SMYD3: variants seen among roughly 807,000 people sequenced by gnomAD.
SMYD3 encodes SET and MYND domain containing 3, also known as histone-lysine N-methyltransferase SMYD3.
SMYD3 carries 36 observed loss-of-function variants against 57.7 expected under a neutral mutation model. That is an observed-to-expected ratio of 0.62 (90% confidence interval 0.48 to 0.82). The LOEUF is 0.82. Ranked by LOEUF, SMYD3 falls within the 40% of genes least tolerant of loss-of-function variation. The pLI is 0.00. For synonymous variants in SMYD3, 211 were observed against 195.0 expected (o/e 1.08, Z -0.68); for missense variants, 515 against 538.8 (o/e 0.96, Z 0.44).
chr1:246,224,603 T>C (rs2063301831), intron 5 of SMYD3, among the ~76,000 whole-genome samples: 1 of 151,394 alleles, frequency 6.6e-6, no homozygotes, highest in Non-Finnish European at 1.5e-5. Flanking sequence ...TGGGCGCCAC[T>C]GAGAAAGAAT....
At chr1:246,481,594 A>G (rs1466165069) in intron 1 of SMYD3, among the ~76,000 whole-genome samples, 1 of 26,922 alleles carries the variant, frequency 3.7e-5, no homozygotes, top group African/African-American at 1.7e-4. Context: ...CTCAGGCTCC[A>G]TATATATATA....
intron 5 of SMYD3, among the ~76,000 whole-genome samples, chr1:246,201,281 A>G (rs1308172799): frequency 6.6e-6 from 1 of 152,182 alleles, no homozygotes; most frequent in Non-Finnish European, 1.5e-5. Context: ...AAAAATTGCT[A>G]ATCCCTAATG....
At chr1:246,341,645 T>C (rs572928710) in intron 2 of SMYD3, among the ~76,000 whole-genome samples, 2 of 152,334 alleles carry the variant, frequency 1.3e-5, no homozygotes, top group East Asian at 3.9e-4. Flanking sequence ...GATTACATGA[T>C]TATGAAAGGA....
chr1:245,823,340 C>T (rs1011883615), intron 10 of SMYD3, among the ~76,000 whole-genome samples: 1 of 93,444 alleles, frequency 1.1e-5, no homozygotes, highest in Non-Finnish European at 2.9e-5. Flanking sequence ...CACGCGCGCT[C>T]GTGCTTGCTC....
chr1:245,816,470 A>G (rs2048806891), intron 10 of SMYD3, among the ~76,000 whole-genome samples: 1 of 142,216 alleles, frequency 7.0e-6, no homozygotes, highest in Non-Finnish European at 1.5e-5. Context: ...GCCAGCTACA[A>G]CCCAACTCAA....
chr1:245,978,584 G>A (rs930867683), intron 5 of SMYD3, among the ~76,000 whole-genome samples: 20 of 152,162 alleles, frequency 1.3e-4, no homozygotes, highest in Admixed American at 5.9e-4. Flanking sequence ...GGGGCAGAGA[G>A]AACTATTTCA....
At chr1:246,253,738 CATT>C (rs768171412) in intron 5 of SMYD3, among the ~76,000 whole-genome samples, 15 of 152,202 alleles carry the variant, frequency 9.9e-5, no homozygotes, top group Non-Finnish European at 1.8e-4. Flanking sequence ...AGACTGGATT[CATT>C]ATTTGGCTCT....
At chr1:246,386,109 C>T (rs938381501) in intron 1 of SMYD3, among the ~76,000 whole-genome samples, 2 of 152,132 alleles carry the variant, frequency 1.3e-5, no homozygotes, top group African/African-American at 2.4e-5. Context: ...AGGATGGTCT[C>T]GATCTCCTGA....
chr1:246,453,902 T>G (rs1423886931), intron 1 of SMYD3, among the ~76,000 whole-genome samples: 1 of 152,208 alleles, frequency 6.6e-6, no homozygotes, highest in Admixed American at 6.5e-5. Context: ...GTCCACATTT[T>G]AACTACTAAT....
chr1:246,208,170 C>T lies in SMYD3; in HGVS notation c.531+119031G>A, dbSNP rs1313879330. 3.3e-5 allele frequency among the ~76,000 whole-genome samples: 5 copies of T among 152,122 alleles called. No homozygotes were observed. The South Asian group carries it at 6.2e-4, about 19-fold the overall frequency. On this transcript the variant is annotated intron_variant, in intron 5 of 11. Transcript: ENST00000490107. ...AGGCTAAATCAAAGCACAGCTGTCT[C>T]TCTGCATGCACATTTTGATTCTGCA...
intron 4 of SMYD3, among the ~76,000 whole-genome samples, chr1:246,329,592 C>T (rs1208230766): frequency 6.6e-6 from 1 of 151,988 alleles, no homozygotes; most frequent in Non-Finnish European, 1.5e-5. Context: ...TGGATATTAG[C>T]CCTTTGTCAG....
At chr1:246,240,182 T>C (rs1434357141) in intron 5 of SMYD3, among the ~76,000 whole-genome samples, 1 of 152,212 alleles carries the variant, frequency 6.6e-6, no homozygotes, top group Non-Finnish European at 1.5e-5. Context: ...AGGTCCTGAA[T>C]GGTATTGCCT....
intron 5 of SMYD3, among the ~76,000 whole-genome samples, chr1:246,047,206 A>G (rs987186409): frequency 2.6e-5 from 4 of 152,220 alleles, no homozygotes; most frequent in African/African-American, 9.6e-5. Flanking sequence ...AAAAGTGTGC[A>G]AAAGAATAGT....
At chr1:245,923,321 C>T (rs1369203689) in intron 7 of SMYD3, among the ~76,000 whole-genome samples, 1 of 151,872 alleles carries the variant, frequency 6.6e-6, no homozygotes, top group African/African-American at 2.4e-5. Context: ...AATCTGGCCA[C>T]GCAGTTCCTT....
In SMYD3 at chr1:246,102,046, GA is replaced by G. The variant is rs1486232008; in HGVS notation, c.532-172110del. On this transcript the variant is annotated intron_variant, in intron 5 of 11. Transcript: ENST00000490107. ...AATTTCTCCACAGACCTTTGCATCTGAGTACATAACTGCCTGCTAAAGATCT... is the reference window on the plus strand; with the variant it reads ...AATTTCTCCACAGACCTTTGCATCTGGTACATAACTGCCTGCTAAAGATCT... Among the ~76,000 whole-genome samples, 4 of 152,224 alleles carry G rather than the reference GA, an allele frequency of 2.6e-5. No homozygotes were observed. In the East Asian group the frequency reaches 7.7e-4, roughly 29 times the overall value.
intron 5 of SMYD3, among the ~76,000 whole-genome samples, chr1:245,993,591 T>TAGATAGATAGATAGATAGAC (rs1558566178): frequency 5.9e-5 from 1 of 16,902 alleles, no homozygotes; most frequent in African/African-American, 1.0e-4. Flanking sequence ...GATAGATAGA[T>TAGATAGATAGATAGATAGAC]AGATAGATAG....
In SMYD3 at chr1:245,904,195, C is replaced by G. The variant is rs528495640; in HGVS notation, c.813+11335G>C. Among the ~76,000 whole-genome samples the G allele has an allele frequency of 1.0e-3, 156 of 152,190 alleles. 1 individual carries two copies. Among genetic ancestry groups the G allele is most frequent in the African/African-American group, 3.6e-3 (151 of 41,516 alleles). On this transcript the variant is annotated intron_variant, in intron 8 of 11. Coordinates refer to ENST00000490107, the MANE Select transcript of SMYD3 (RefSeq NM_001167740.2). The stretch of plus-strand genomic sequence containing the variant: ...TGATTGGATCATGGGGGCTGTTTTC[C>G]TGAGACGGGGGTGAGTTCTCATGAG...
intron 5 of SMYD3, among the ~76,000 whole-genome samples, chr1:245,998,215 C>A (rs1311534541): frequency 6.6e-6 from 1 of 152,176 alleles, no homozygotes; most frequent in Non-Finnish European, 1.5e-5. Context: ...TTCGGTGGCA[C>A]CCCACTCATC....
rs139408165 is a variant in SMYD3 at position 246,041,542 on chromosome 1, G to T, written c.532-111605C>A. 5.7e-3 allele frequency among the ~76,000 whole-genome samples: 874 copies of T among 152,322 alleles called. 7 individuals carry two copies. The highest frequency in any genetic ancestry group is 0.014 in the Middle Eastern group (4 of 294). ...TCTCTGTGTGTGTGTGCCTGGGCAT[G>T]TATCCCAGTGTTGCCAGGGCCCTAC... On this transcript the variant is annotated intron_variant, in intron 5 of 11. Transcript: ENST00000490107.
Sources: gnomAD v4.1 joint callset for allele counts (sites outside exome capture counted in the v4.1 genomes callset) on GRCh38, gnomAD v4.1.1 for gene constraint, MANE v1.5 for transcripts, NCBI Gene and HGNC (gene_info 2026-07-23, HGNC 2026-07-21) for gene names.